MTG2: variants seen among roughly 807,000 people sequenced by gnomAD.
MTG2 encodes the protein mitochondrial ribosome-associated GTPase 2.
In MTG2, 23 loss-of-function variants were observed where a neutral mutation model predicts 28.6. The observed-to-expected ratio is 0.80, with a 90% CI of 0.58 to 1.14. MTG2 has a LOEUF of 1.14. Among genes scored for constraint, MTG2 ranks in the 50% most tolerant of loss-of-function variants. MTG2 has a pLI of 0.00. For synonymous variants in MTG2, 260 were observed against 251.8 expected (o/e 1.03, Z -0.31); for missense variants, 539 against 552.0 (o/e 0.98, Z 0.24).
At chr20:62,192,169 G>C (rs1667841068) in intron 1 of MTG2, among the ~76,000 whole-genome samples, 1 of 152,218 alleles carries the variant, frequency 6.6e-6, no homozygotes, top group Non-Finnish European at 1.5e-5. Context: ...CACTTCAGAT[G>C]CTAATTGCAA....
chr20:62,200,613 G>A (rs970394736), intron 6 of MTG2, 70 bp from the exon 7 acceptor site: 133 of 1,502,992 alleles, frequency 8.8e-5, no homozygotes, highest in Non-Finnish European at 1.1e-4. Flanking sequence ...TCCCAGGCTC[G>A]AGGTGGAAGG....
At position 62,192,397 on chromosome 20, in the gene MTG2, T is replaced by C. The variant is rs575022896; in HGVS notation, c.-5-1019T>C. On this transcript the variant is annotated intron_variant, in intron 1 of 6. Coordinates refer to ENST00000370823, the MANE Select transcript of MTG2 (RefSeq NM_015666.4). ...GGCGAGGCCCAGAGGGTCCTAAGCA[T>C]AGGAGCCTTTGTCCCCAGGGAGTTG... 1.7e-3 allele frequency among the ~76,000 whole-genome samples: 260 copies of C among 152,332 alleles called. 4 individuals are homozygous for C. Among genetic ancestry groups the C allele is most frequent in the Non-Finnish European group, 3.1e-3 (211 of 68,016 alleles).
In MTG2 at chr20:62,201,031, A is replaced by G. The variant is rs1336475666; in HGVS notation, c.1175A>G (p.Tyr392Cys). 1.2e-6 allele frequency: 2 copies of G among 1,609,686 alleles called. No individual in the cohort carries two copies. Among genetic ancestry groups the G allele is most frequent in the Non-Finnish European group, 8.5e-7 (1 of 1,179,082 alleles). ...LLHLKVLYDA[Y>C]AEAELGQGRQ... is the part of the protein sequence containing the mutation. ...CACCTGAAGGTGCTGTATGACGCCT[A>G]CGCGGAGGCCGAGCTGGGCCAGGGC... is the stretch of plus-strand genomic sequence containing the variant. Residue 392 changes from tyrosine (Y) to cysteine (C), a missense_variant, in exon 7 of 7, where the codon TAC becomes TGC. By Grantham distance (194) the Tyr-to-Cys change is radical. Coordinates refer to ENST00000370823, the MANE Select transcript of MTG2 (RefSeq NM_015666.4).
In MTG2 at chr20:62,186,563, C is replaced by T. The variant is rs1258357639; in HGVS notation, c.-6+3506C>T. Among the ~76,000 whole-genome samples the T allele has an allele frequency of 2.3e-5, 3 of 132,234 alleles. No homozygotes were observed. In the East Asian group the frequency reaches 7.1e-4, roughly 31 times the overall value. The allele number at this position is 132,234 out of a possible 152,430, so 86.8% of individuals were successfully genotyped here. A position where few individuals can be genotyped will look rare whatever the true frequency, so the allele number is the denominator to read the frequency against. ...TTTTTTTTTGAGATGGAGTCTTGCTCTGTCACCCAGGCTGGAGTGCGGTAA... is the reference window on the plus strand; with the variant it reads ...TTTTTTTTTGAGATGGAGTCTTGCTTTGTCACCCAGGCTGGAGTGCGGTAA... On this transcript the variant is annotated intron_variant, in intron 1 of 6. Transcript: ENST00000370823.
chr20:62,202,385 G>A lies in MTG2; in HGVS notation c.*1308G>A, dbSNP rs1289066404. ...TGGGAGGTCAAGGCTGCAGTGAGCC[G>A]TGATTGCACCACTGCACTCCAGCCT... On this transcript the variant is annotated 3_prime_UTR_variant, in exon 7 of 7. Transcript: ENST00000370823. The A allele has an allele frequency of 1.9e-5, 3 of 155,920 alleles. No homozygotes were observed. Among genetic ancestry groups the A allele is most frequent in the Non-Finnish European group, 2.8e-5 (2 of 70,898 alleles). The allele number at this position is 155,920 out of a possible 1,614,324, so 9.7% of individuals were successfully genotyped here. A position where few individuals can be genotyped will look rare whatever the true frequency, so the allele number is the denominator to read the frequency against.
intron 1 of MTG2, 33 bp downstream of exon 1, chr20:62,183,090 G>GCC (rs1303018913): frequency 1.4e-5 from 2 of 143,008 alleles, no homozygotes; most frequent in Non-Finnish European, 2.9e-5. Flanking sequence ...GGGAGCGTGG[G>GCC]CCTGGGGGGT....
chr20:62,184,245 C>G (rs2057791499), intron 1 of MTG2, among the ~76,000 whole-genome samples: 1 of 152,134 alleles, frequency 6.6e-6, no homozygotes, highest in Non-Finnish European at 1.5e-5. Flanking sequence ...GTAATCCCAG[C>G]TACTGGGGAG....
chr20:62,198,912 C>G (rs1451152783), intron 5 of MTG2, 60 bp downstream of exon 5: 1 of 1,600,206 alleles, frequency 6.2e-7, no homozygotes, highest in Non-Finnish European at 8.6e-7. Context: ...ATCCACTTTT[C>G]TCAATGGGGA....
chr20:62,196,716 G>C (rs1262930403), intron 3 of MTG2, among the ~76,000 whole-genome samples: 1 of 151,292 alleles, frequency 6.6e-6, no homozygotes, highest in African/African-American at 2.4e-5. Context: ...CTGATGTATG[G>C]ATATCATTTT....
intron 1 of MTG2, among the ~76,000 whole-genome samples, chr20:62,190,677 C>T (rs1169942349): frequency 6.6e-6 from 1 of 152,186 alleles, no homozygotes; most frequent in Non-Finnish European, 1.5e-5. Context: ...GATCCTGGAC[C>T]AGAAGAAGGA....
At chr20:62,186,943 T>G (rs1427367119) in intron 1 of MTG2, among the ~76,000 whole-genome samples, 1 of 152,148 alleles carries the variant, frequency 6.6e-6, no homozygotes, top group Admixed American at 6.5e-5. Flanking sequence ...TGCATAGCAG[T>G]GGTATGTGTG....
rs61743474 is a variant in MTG2, at chr20:62,193,549, G to A, written c.129G>A (p.Leu43=). The change falls in exon 2 of 7, where the codon CTG becomes CTA. Residue 43 remains leucine (L), a synonymous_variant. Coordinates refer to ENST00000370823, the MANE Select transcript of MTG2 (RefSeq NM_015666.4). The stretch of plus-strand genomic sequence containing the variant: ...TGCCACAGCGGGCTTCTCCCAGGCT[G>A]CTCTCGGTCGGCCGTGCGGACCTCG... ...RLLPQRASPR[L]LSVGRADLAK... 210 of 1,613,930 alleles carry A rather than the reference G, an allele frequency of 1.3e-4. No homozygotes were observed. Among genetic ancestry groups the A allele is most frequent in the Non-Finnish European group, 1.7e-4 (202 of 1,180,016 alleles).
chr20:62,194,266 C>T (rs906161207), intron 2 of MTG2, among the ~76,000 whole-genome samples: 5 of 152,190 alleles, frequency 3.3e-5, no homozygotes, highest in African/African-American at 7.2e-5. Context: ...TGACTCCCTT[C>T]GTTTCCTGCT....
At chr20:62,198,508 C>T (rs1353467758) in intron 4 of MTG2, 126 bp from the exon 5 acceptor site, 10 of 984,666 alleles carry the variant, frequency 1.0e-5, no homozygotes, top group East Asian at 5.2e-5. Flanking sequence ...GTGAGTGGGG[C>T]GGGCAGCTGC....
At chr20:62,189,058 C>A (rs1346245719) in intron 1 of MTG2, among the ~76,000 whole-genome samples, 1 of 152,026 alleles carries the variant, frequency 6.6e-6, no homozygotes, top group African/African-American at 2.4e-5. Flanking sequence ...TGTGGTGGCT[C>A]ATGCTTGTAA....
chr20:62,188,341 A>G (rs6121949), intron 1 of MTG2, among the ~76,000 whole-genome samples: 25,316 of 151,508 alleles, frequency 0.17, 2,166 homozygotes, highest in African/African-American at 0.19. Flanking sequence ...GTATTCATAT[A>G]CTTCCCCCCA....
intron 1 of MTG2, among the ~76,000 whole-genome samples, chr20:62,187,633 G>A (rs528835498): frequency 1.1e-4 from 17 of 152,310 alleles, no homozygotes; most frequent in Admixed American, 1.3e-4. Context: ...GCATGAAGTC[G>A]TTCCCAGCAT....
intron 1 of MTG2, among the ~76,000 whole-genome samples, chr20:62,191,326 G>A (rs959667853): frequency 6.6e-6 from 1 of 152,070 alleles, no homozygotes; most frequent in African/African-American, 2.4e-5. Flanking sequence ...ACGTGGGAGG[G>A]GCTGTCGGTC....
At position 62,199,151 on chromosome 20, in the gene MTG2, G is replaced by A; in HGVS notation, c.720G>A (p.Leu240=). 4 of 1,614,124 alleles carry A rather than the reference G, an allele frequency of 2.5e-6. No individual in the cohort carries two copies. The highest frequency in any genetic ancestry group is 3.4e-6 in the Non-Finnish European group (4 of 1,180,022). ...VGFPNAGKSS[L]LRAISNARPA... is the part of the protein sequence containing the mutation. ...TCCCCAACGCCGGGAAGTCCTCACT[G>A]CTCCGGGCCATTTCAAACGCCAGAC... is the stretch of plus-strand genomic sequence containing the variant. Residue 240 remains leucine (L), a synonymous_variant, in exon 6 of 7, where the codon CTG becomes CTA. Coordinates refer to ENST00000370823, the MANE Select transcript of MTG2 (RefSeq NM_015666.4).
Sources: allele counts gnomAD v4.1 joint callset (sites outside exome capture counted in the v4.1 genomes callset), GRCh38; gene constraint gnomAD v4.1.1; transcripts MANE v1.5; gene names NCBI Gene and HGNC (gene_info 2026-07-23, HGNC 2026-07-21).